Variants in IFT88 observed in about 807,000 individuals in gnomAD.
IFT88 encodes intraflagellar transport 88, also known as intraflagellar transport protein 88 homolog.
A neutral mutation model predicts 119.5 loss-of-function variants in IFT88; 74 were observed. That is an observed-to-expected ratio of 0.62 (90% CI 0.51 to 0.75). The LOEUF (loss-of-function observed/expected upper bound fraction) is 0.75, where lower values mean the gene tolerates loss of function less well. IFT88 is among the 30% of genes least tolerant of loss of function. The pLI, the probability that IFT88 is intolerant of heterozygous loss-of-function variation, is 0.00. For missense variants in IFT88, 961 were observed against 977.7 expected, an observed-to-expected ratio of 0.98 and a Z score of 0.23; for synonymous variants, 279 against 316.7, an observed-to-expected ratio of 0.88 and a Z score of 1.26.
chr13:20,581,630 G>A (rs2038671837), intron 2 of IFT88, among the ~76,000 whole-genome samples: 1 of 152,126 alleles, frequency 6.6e-6, no homozygotes, highest in Non-Finnish European at 1.5e-5. Context: ...AGGCTCAGGG[G>A]TGGATCACTT....
intron 3 of IFT88, 116 bp from the exon 4 acceptor site, chr13:20,589,695 T>C (rs997496548): frequency 1.1e-4 from 48 of 450,188 alleles, no homozygotes; most frequent in Middle Eastern, 6.3e-4. Flanking sequence ...GAAATCATTC[T>C]AAGTATTATA....
chr13:20,574,695 G>A (rs1188086356), intron 2 of IFT88, among the ~76,000 whole-genome samples: 1 of 152,176 alleles, frequency 6.6e-6, no homozygotes, highest in Non-Finnish European at 1.5e-5. Flanking sequence ...GAATTAAGGT[G>A]AATTATATAT....
chr13:20,598,118 GA>G (rs1415361895), intron 9 of IFT88, among the ~76,000 whole-genome samples: 1 of 152,104 alleles, frequency 6.6e-6, no homozygotes, highest in Non-Finnish European at 1.5e-5. Flanking sequence ...TGAAGTGTTA[GA>G]TGCTTACTGT....
chr13:20,663,385 T>C (rs1389565223), intron 22 of IFT88, 113 bp from the exon 23 acceptor site: 1 of 1,538,344 alleles, frequency 6.5e-7, no homozygotes, highest in South Asian at 1.2e-5. Flanking sequence ...AAAATACTAT[T>C]TGTAAGCATC....
intron 3 of IFT88, among the ~76,000 whole-genome samples, chr13:20,589,500 A>G (rs1593874065): frequency 6.6e-6 from 1 of 152,202 alleles, no homozygotes; most frequent in Non-Finnish European, 1.5e-5. Flanking sequence ...CCTAGTGGCT[A>G]GCAGTAATAA....
chr13:20,625,896 T>G (rs1396482840), intron 15 of IFT88, 47 bp downstream of exon 15: 1 of 973,294 alleles, frequency 1.0e-6, no homozygotes, highest in Non-Finnish European at 1.6e-6. Context: ...TCTTAATTGG[T>G]CAAAGCATTA....
chr13:20,637,164 T>A (rs2049139008), intron 16 of IFT88, among the ~76,000 whole-genome samples: 1 of 152,110 alleles, frequency 6.6e-6, no homozygotes. Context: ...TGACTATTGA[T>A]GGGTACAGGG....
At chr13:20,659,007 C>A (rs1191009050) in intron 22 of IFT88, among the ~76,000 whole-genome samples, 1 of 152,146 alleles carries the variant, frequency 6.6e-6, no homozygotes, top group African/African-American at 2.4e-5. Context: ...TCTACCTTAA[C>A]TGTAGTTGTA....
At chr13:20,651,202 C>A (rs1361607960) in intron 20 of IFT88, among the ~76,000 whole-genome samples, 3 of 151,708 alleles carry the variant, frequency 2.0e-5, no homozygotes, top group Non-Finnish European at 4.4e-5. Flanking sequence ...CCTATTTTTG[C>A]AAAAACACCA....
Position 20,626,043 on chromosome 13 carries a change from C to CTTTCTTTTTTT in IFT88, c.1299+197_1299+198insCTTTTTTTTTT, listed in dbSNP as rs2047249498. On this transcript the variant is annotated intron_variant, in intron 15 of 25. Coordinates refer to ENST00000351808, the MANE Select transcript of IFT88 (RefSeq NM_006531.5). ...ATTAATTTTTGCCTGTTTGTCGTTT[C>CTTTCTTTTTTT]TTTTTTTTTTTTTTTTTTTTTTTTT... is the stretch of plus-strand genomic sequence containing the variant. 1.0e-4 allele frequency among the ~76,000 whole-genome samples: 4 copies of CTTTCTTTTTTT among 39,574 alleles called. 1 individual carries two copies. The highest frequency in any genetic ancestry group is 1.2e-4 in the Non-Finnish European group (3 of 24,158). The allele number at this position is 39,574 out of a possible 152,430, so 26.0% of individuals were successfully genotyped here. A position where few individuals can be genotyped will look rare whatever the true frequency, so the allele number is the denominator to read the frequency against.
In IFT88 at chr13:20,638,493, T is replaced by C. The variant is rs756507362; in HGVS notation, c.1548T>C (p.Ser516=). 1.3e-6 allele frequency: 2 copies of C among 1,497,818 alleles called. No individual in the cohort carries two copies. The highest frequency in any genetic ancestry group is 2.9e-5 in the South Asian group (2 of 69,222). The allele number at this position is 1,497,818 out of a possible 1,614,324, so 92.8% of individuals were successfully genotyped here. ...FYKEALRNDS[S]CTEALYNIGL... ...AAGAGGCTCTAAGAAATGATTCTTC[T>C]TGTACTGAAGCACTTTATAATATTG... The change falls in exon 17 of 26, where the codon TCT becomes TCC. Residue 516 remains serine (S), a synonymous_variant. Transcript: ENST00000351808.
In IFT88 at chr13:20,591,723, T is replaced by C. The variant is rs757174859; in HGVS notation, c.328+42T>C. 3 of 1,271,780 alleles carry C rather than the reference T, an allele frequency of 2.4e-6. No individual in the cohort carries two copies. The South Asian group carries it at 3.8e-5, about 16-fold the overall frequency. The allele number at this position is 1,271,780 out of a possible 1,614,324, so 78.8% of individuals were successfully genotyped here. A position where few individuals can be genotyped will look rare whatever the true frequency, so the allele number is the denominator to read the frequency against. On this transcript the variant is annotated intron_variant, in intron 6 of 25. Transcript: ENST00000351808. ...CTACTAATAATCTTTTTTGGATCTT[T>C]TAATCTTTTATCATTTTGTGATATA...
At chr13:20,596,777 A>G (rs1340184004) in intron 8 of IFT88, among the ~76,000 whole-genome samples, 1 of 152,226 alleles carries the variant, frequency 6.6e-6, no homozygotes, top group Non-Finnish European at 1.5e-5. Context: ...ATACCATTAG[A>G]AAGAAATGTT....
chr13:20,647,051 C>T (rs113087740), intron 20 of IFT88, among the ~76,000 whole-genome samples: 116 of 152,232 alleles, frequency 7.6e-4, no homozygotes, highest in African/African-American at 2.7e-3. Context: ...AAGTATTTCT[C>T]TCCCTCCTGT....
intron 24 of IFT88, among the ~76,000 whole-genome samples, chr13:20,680,554 T>A (rs2057202668): frequency 6.6e-6 from 1 of 152,216 alleles, no homozygotes; most frequent in East Asian, 1.9e-4. Flanking sequence ...GATTACTCAT[T>A]GTAACTGGTT....
intron 1 of IFT88, among the ~76,000 whole-genome samples, chr13:20,573,920 T>C (rs141103187): frequency 1.4e-3 from 215 of 152,312 alleles, no homozygotes; most frequent in African/African-American, 4.5e-3. Context: ...AATAACTTAA[T>C]GTTTTGACAT....
chr13:20,567,161 G>A lies in IFT88; in HGVS notation c.-102G>A, dbSNP rs2034961674. Reference sequence around the variant, plus strand: ...GAGGACTGTGGGAGCGGCTTCCTTGGATTCCGCGCTTGGCAACGGCTCGGC... The same window carrying A: ...GAGGACTGTGGGAGCGGCTTCCTTGAATTCCGCGCTTGGCAACGGCTCGGC... On this transcript the variant is annotated 5_prime_UTR_variant, in exon 1 of 26. Coordinates refer to ENST00000351808, the MANE Select transcript of IFT88 (RefSeq NM_006531.5). 4 of 152,228 alleles carry A rather than the reference G, an allele frequency of 2.6e-5. No homozygotes were observed. 9.4% of individuals were successfully genotyped at this position (152,228 alleles called of 1,614,324 possible). A position where few individuals can be genotyped will look rare whatever the true frequency, so the allele number is the denominator to read the frequency against.
At chr13:20,592,192 G>A in intron 6 of IFT88, 143 bp from the exon 7 acceptor site, 1 of 663,912 alleles carries the variant, frequency 1.5e-6, no homozygotes, top group Non-Finnish European at 2.6e-6. Flanking sequence ...TAGACACAAT[G>A]TTATCTCCAT....
intron 13 of IFT88, among the ~76,000 whole-genome samples, chr13:20,613,389 A>G (rs1306452043): frequency 6.6e-6 from 1 of 150,996 alleles, no homozygotes; most frequent in African/African-American, 2.4e-5. Flanking sequence ...GCAGTGAGAT[A>G]CTACTTCACA....
Sources: allele counts gnomAD v4.1 joint callset (sites outside exome capture counted in the v4.1 genomes callset), GRCh38; gene constraint gnomAD v4.1.1; transcripts MANE v1.5; gene names NCBI Gene and HGNC (gene_info 2026-07-23, HGNC 2026-07-21).